EFCAB8: variants seen among roughly 807,000 people sequenced by gnomAD.
EFCAB8 encodes the protein EF-hand calcium-binding domain-containing protein 8.
In EFCAB8, 100 loss-of-function variants were observed where a neutral mutation model predicts 116.3. The ratio of observed to expected loss-of-function variants is 0.86; its 90% CI spans 0.73 to 1.02. The LOEUF (loss-of-function observed/expected upper bound fraction) is 1.02. Ranked by LOEUF, EFCAB8 falls within the 50% of genes least tolerant of loss-of-function variation. EFCAB8 has a pLI of 0.00. For synonymous variants in EFCAB8, 558 were observed against 567.9 expected (o/e 0.98, Z 0.25); for missense variants, 1,320 against 1,416.9 (o/e 0.93, Z 1.10).
intron 22 of EFCAB8, among the ~76,000 whole-genome samples, chr20:32,932,334 T>C (rs1987940510): frequency 6.6e-6 from 1 of 151,596 alleles, no homozygotes; most frequent in South Asian, 2.1e-4. Flanking sequence ...CCTAGATTGC[T>C]CCGTTGCCCT....
At chr20:32,920,028 G>T (rs1198336687) in intron 19 of EFCAB8, 50 bp from the exon 20 acceptor site, 1 of 1,551,150 alleles carries the variant, frequency 6.4e-7, no homozygotes, top group African/African-American at 1.4e-5. Context: ...GTCCCCTATG[G>T]GGAAGGGAAA....
chr20:32,887,952 C>T (rs1372988898), intron 6 of EFCAB8, among the ~76,000 whole-genome samples: 1 of 152,214 alleles, frequency 6.6e-6, no homozygotes, highest in Non-Finnish European at 1.5e-5. Flanking sequence ...GAGGGGCAGA[C>T]AGGGGAAGTC....
At chr20:32,882,407 C>T in intron 5 of EFCAB8, among the ~76,000 whole-genome samples, 1 of 152,236 alleles carries the variant, frequency 6.6e-6, no homozygotes, top group East Asian at 1.9e-4. Flanking sequence ...GCACCTCACA[C>T]AGTTCCGGAA....
At chr20:32,913,172 A>G (rs1276340519) in intron 17 of EFCAB8, among the ~76,000 whole-genome samples, 3 of 152,188 alleles carry the variant, frequency 2.0e-5, no homozygotes, top group African/African-American at 7.2e-5. Flanking sequence ...ACAGAATATC[A>G]TAGACTGAGT....
rs759859667 is a variant in EFCAB8 at position 32,858,974 on chromosome 20, C to T, written c.-43C>T. 106 of 470,930 alleles carry T rather than the reference C, an allele frequency of 2.3e-4. No individual in the cohort carries two copies. The highest frequency in any genetic ancestry group is 4.4e-4 in the Non-Finnish European group (100 of 227,026). 29.2% of individuals were successfully genotyped at this position (470,930 alleles called of 1,614,324 possible). A position where few individuals can be genotyped will look rare whatever the true frequency, so the allele number is the denominator to read the frequency against. Reference sequence around the variant, plus strand: ...TTAGCACTTTGCCAGACTTTGCCAGCAAGATTAACTGAGGAGATCAAATTG... The same window carrying T: ...TTAGCACTTTGCCAGACTTTGCCAGTAAGATTAACTGAGGAGATCAAATTG... On this transcript the variant is annotated 5_prime_UTR_variant, in exon 1 of 27. Coordinates refer to ENST00000400522, the MANE Select transcript of EFCAB8 (RefSeq NM_001143967.2).
intron 20 of EFCAB8, among the ~76,000 whole-genome samples, chr20:32,926,678 A>G (rs1328313016): frequency 8.2e-6 from 1 of 122,608 alleles, no homozygotes; most frequent in Non-Finnish European, 1.7e-5. Context: ...ACCCCACAAC[A>G]GTCCCCAGAG....
rs1344433836 is a variant in EFCAB8 at position 32,959,887 on chromosome 20, CT to C, written c.3200del (p.Leu1067ArgfsTer6). 6.4e-7 allele frequency: 1 copy of C among 1,551,486 alleles called. No individual in the cohort carries two copies. The highest frequency in any genetic ancestry group is 2.0e-5 in the Admixed American group (1 of 50,972). On this transcript the variant is annotated frameshift_variant, in exon 25 of 27. Transcript: ENST00000400522. LOFTEE classifies it high-confidence loss of function. ...ADKEADTWAK[L>X]QKMALMSPWA... Reference sequence around the variant, plus strand: ...TAAGGAGGCAGACACTTGGGCCAAGCTGCAGAAGATGGCCCTGATGTCCCCG... The same window carrying C: ...TAAGGAGGCAGACACTTGGGCCAAGCGCAGAAGATGGCCCTGATGTCCCCG...
chr20:32,887,294 C>T (rs546274120), intron 6 of EFCAB8, among the ~76,000 whole-genome samples: 15 of 152,246 alleles, frequency 9.9e-5, no homozygotes, highest in South Asian at 2.1e-4. Context: ...TAAAATACAG[C>T]GCCAGGCGCG....
At position 32,909,832 on chromosome 20, in the gene EFCAB8, A is replaced by C; in HGVS notation, c.1458A>C (p.Leu486=). 1 of 1,248,974 alleles carries C rather than the reference A, an allele frequency of 8.0e-7. No individual in the cohort carries two copies. Among genetic ancestry groups the C allele is most frequent in the African/African-American group, 1.5e-5 (1 of 64,572 alleles). 77.4% of individuals were successfully genotyped at this position (1,248,974 alleles called of 1,614,324 possible). ...TTCCTCACCTACAGATCGGGATCCTAAAAGGGTACTTAGAGGCCCAGGGGC... is the reference window on the plus strand; with the variant it reads ...TTCCTCACCTACAGATCGGGATCCTCAAAGGGTACTTAGAGGCCCAGGGGC... The part of the protein sequence containing the change: ...LICSTYSIGI[L]KGYLEAQGLI... The change falls in exon 15 of 27, where the codon CTA becomes CTC. Residue 486 remains leucine, a synonymous_variant. Coordinates refer to ENST00000400522, the MANE Select transcript of EFCAB8 (RefSeq NM_001143967.2).
At chr20:32,957,212 C>G (rs1988995817) in intron 23 of EFCAB8, among the ~76,000 whole-genome samples, 1 of 151,756 alleles carries the variant, frequency 6.6e-6, no homozygotes, top group African/African-American at 2.4e-5. Context: ...TTTTAATCTG[C>G]TAACTCCAAT....
At chr20:32,910,050 T>TA (rs1254795459) in intron 15 of EFCAB8, 119 bp downstream of exon 15, 16 of 449,038 alleles carry the variant, frequency 3.6e-5, no homozygotes, top group Non-Finnish European at 5.2e-5. Context: ...TGGGAACTCT[T>TA]ACAGCCTTGA....
In EFCAB8 at chr20:32,918,582, C is replaced by A; in HGVS notation, c.2274+8C>A. On this transcript the variant is annotated splice_region_variant and intron_variant, in intron 19 of 26. Coordinates refer to ENST00000400522, the MANE Select transcript of EFCAB8 (RefSeq NM_001143967.2). ...AGGCCTGTGCCCCAGCAGGTGGGAG[C>A]GAGAGCCCAACCAGAAGGCTACCCT... 1 of 1,551,134 alleles carries A rather than the reference C, an allele frequency of 6.4e-7. No individual in the cohort carries two copies. Among genetic ancestry groups the A allele is most frequent in the Non-Finnish European group, 8.7e-7 (1 of 1,146,796 alleles).
intron 22 of EFCAB8, among the ~76,000 whole-genome samples, chr20:32,936,489 A>G (rs1481298163): frequency 2.6e-5 from 4 of 152,088 alleles, no homozygotes; most frequent in African/African-American, 2.4e-5. Context: ...TTGATTTTTT[A>G]TACTGTGTGA....
chr20:32,880,043 A>G (rs1224757827), intron 5 of EFCAB8, among the ~76,000 whole-genome samples: 1 of 152,092 alleles, frequency 6.6e-6, no homozygotes, highest in Non-Finnish European at 1.5e-5. Context: ...ACCCTGGAGC[A>G]CTGCTGCCTG....
Position 32,875,997 on chromosome 20 carries a change from G to C in EFCAB8, c.280G>C (p.Glu94Gln), listed in dbSNP as rs373640511. 3.2e-6 allele frequency: 5 copies of C among 1,552,146 alleles called. No individual in the cohort carries two copies. Among genetic ancestry groups the C allele is most frequent in the Non-Finnish European group, 4.4e-6 (5 of 1,147,130 alleles). ...CAGTGTGTCGGACGAGATGCTAAAG[G>C]AGCTGTTTTTGAAGGTGGACTCGGA... ...LSSVSDEMLKELFLKVDSDCE... is the reference protein window; with the variant it reads ...LSSVSDEMLKQLFLKVDSDCE... The change falls in exon 4 of 27, where the codon GAG (glutamate) becomes CAG (glutamine). Residue 94 changes from glutamate to glutamine, a missense_variant. Physicochemically the swap from Glu to Gln is conservative, Grantham distance 29. Coordinates refer to ENST00000400522, the MANE Select transcript of EFCAB8 (RefSeq NM_001143967.2).
intron 22 of EFCAB8, among the ~76,000 whole-genome samples, chr20:32,935,231 GCTC>G (rs1988071118): frequency 2.1e-5 from 1 of 48,288 alleles, no homozygotes; most frequent in Non-Finnish European, 3.7e-5. Flanking sequence ...ATGGCGTTTT[GCTC>G]TTGTTGCCCG....
At chr20:32,925,311 C>A (rs1349834405) in intron 20 of EFCAB8, among the ~76,000 whole-genome samples, 1 of 152,130 alleles carries the variant, frequency 6.6e-6, no homozygotes, top group East Asian at 1.9e-4. Flanking sequence ...CCTCTGTCTC[C>A]TGGGTTCAAG....
chr20:32,897,079 C>T (rs1986195197), intron 10 of EFCAB8, among the ~76,000 whole-genome samples: 1 of 152,156 alleles, frequency 6.6e-6, no homozygotes, highest in Admixed American at 6.5e-5. Context: ...CTCTGTGCCT[C>T]GGCATGTGCT....
intron 22 of EFCAB8, among the ~76,000 whole-genome samples, chr20:32,934,547 G>T (rs73249255): frequency 6.6e-6 from 1 of 152,072 alleles, no homozygotes; most frequent in African/African-American, 2.4e-5. Flanking sequence ...ACTATTTCTC[G>T]TAGTGGTTGA....
Sources: gnomAD v4.1 joint callset for allele counts (sites outside exome capture counted in the v4.1 genomes callset) on GRCh38, gnomAD v4.1.1 for gene constraint, MANE v1.5 for transcripts, NCBI Gene and HGNC (gene_info 2026-07-23, HGNC 2026-07-21) for gene names.